Variants in HMGXB3 observed in about 807,000 individuals in gnomAD.
HMGXB3 encodes the protein HMG domain-containing protein 3.
HMGXB3 carries 45 observed loss-of-function variants against 121.5 expected under a neutral mutation model. The observed-to-expected ratio is 0.37, with a 90% CI of 0.29 to 0.47. HMGXB3 has a LOEUF of 0.47. HMGXB3 is among the 20% of genes least tolerant of loss of function. The pLI, the probability that HMGXB3 is intolerant of heterozygous loss-of-function variation, is 0.99. For synonymous variants in HMGXB3, 590 were observed against 624.1 expected, an observed-to-expected ratio of 0.95 and a Z score of 0.81; for missense variants, 1,376 against 1,602.2, an observed-to-expected ratio of 0.86 and a Z score of 2.41.
chr5:150,004,114 C>G (rs1366274809), intron 1 of HMGXB3, among the ~76,000 whole-genome samples: 1 of 151,786 alleles, frequency 6.6e-6, no homozygotes, highest in Non-Finnish European at 1.5e-5. Context: ...CCTCAAGCAA[C>G]CCTCCCATCT....
In HMGXB3 at chr5:150,037,473, A is replaced by G. The variant is rs1756527680; in HGVS notation, c.2359A>G (p.Met787Val). 1.3e-6 allele frequency: 2 copies of G among 1,551,312 alleles called. No individual in the cohort carries two copies. The highest frequency in any genetic ancestry group is 1.7e-6 in the Non-Finnish European group (2 of 1,146,778). ...GCAGACAGTGACTGCCCAGGTGAAG[A>G]TGTGTCTGAACCCCCATTGTCTGGC... ...RLQTVTAQVKMCLNPHCLALH... is the reference protein window; with the variant it reads ...RLQTVTAQVKVCLNPHCLALH... The change falls in exon 13 of 20, where the codon ATG (methionine) becomes GTG (valine). Residue 787 changes from methionine to valine, a missense_variant. By Grantham distance (21) the Met-to-Val change is conservative. Coordinates refer to ENST00000502717, the MANE Select transcript of HMGXB3 (RefSeq NM_014983.3).
intron 7 of HMGXB3, among the ~76,000 whole-genome samples, chr5:150,026,367 T>A (rs1756230589): frequency 6.6e-6 from 1 of 152,222 alleles, no homozygotes; most frequent in Non-Finnish European, 1.5e-5. Flanking sequence ...CATAAGTATA[T>A]GCTCTAACTA....
Position 150,006,512 on chromosome 5 carries a change from A to C in HMGXB3, c.177A>C (p.Lys59Asn). ...TGTACTATTACGACATCTACCTGAA[A>C]GTGCAGCAGGAGCTCCCCCACCTCC... ...YLLYYYDIYL[K>N]VQQELPHLPQ... The change falls in exon 3 of 20, where the codon AAA becomes AAC. Residue 59 changes from lysine (K) to asparagine (N), a missense_variant. Lys to Asn is a moderately conservative substitution (Grantham distance 94). This residue lies in a region of HMGXB3 where 1,116 missense variants were observed against 1,369.0 expected (regional missense o/e 0.82). Coordinates refer to ENST00000502717, the MANE Select transcript of HMGXB3 (RefSeq NM_014983.3). 2.6e-6 allele frequency: 4 copies of C among 1,551,874 alleles called. No homozygotes were observed. Among genetic ancestry groups the C allele is most frequent in the Non-Finnish European group, 3.5e-6 (4 of 1,147,006 alleles).
chr5:150,001,940 G>A (rs1755580615), intron 1 of HMGXB3, among the ~76,000 whole-genome samples: 1 of 152,160 alleles, frequency 6.6e-6, no homozygotes, highest in Non-Finnish European at 1.5e-5. Flanking sequence ...GCAAAAAAGC[G>A]CAGTCCCCAC....
chr5:150,033,832 C>T (rs1298792282), intron 11 of HMGXB3, among the ~76,000 whole-genome samples: 1 of 152,042 alleles, frequency 6.6e-6, no homozygotes, highest in Non-Finnish European at 1.5e-5. Flanking sequence ...ATGAATCTCA[C>T]CCTGGTCTCC....
At position 150,006,486 on chromosome 5, in the gene HMGXB3, C is replaced by T. The variant is rs1190697793; in HGVS notation, c.151C>T (p.Leu51=). 2 of 1,551,528 alleles carry T rather than the reference C, an allele frequency of 1.3e-6. No homozygotes were observed. Among genetic ancestry groups the T allele is most frequent in the Non-Finnish European group, 1.7e-6 (2 of 1,146,952 alleles). ...TTGCTTCCTCAGGTCTGCTTACCTT[C>T]TGTACTATTACGACATCTACCTGAA... ...KTKKPRSAYL[L]YYYDIYLKVQ... is the part of the protein sequence containing the mutation. Residue 51 remains leucine (L), a synonymous_variant, in exon 3 of 20, where the codon CTG becomes TTG. Transcript: ENST00000502717.
chr5:150,041,916 G>T lies in HMGXB3; in HGVS notation c.2677G>T (p.Val893Leu). ...ICGICGVAPK[V>L]EMAQRSEENV... is the part of the protein sequence containing the mutation. ...TGGCATCTGTGGTGTGGCCCCCAAA[G>T]TGGAAATGGCTCAGAGGAGTGAAGA... The change falls in exon 15 of 20, where the codon GTG becomes TTG. Residue 893 changes from valine (V) to leucine (L), a missense_variant. Around this residue, in one of 2 missense-constraint regions of HMGXB3, gnomAD observed 1,116 missense variants for 1,369.0 expected, o/e 0.82. Transcript: ENST00000502717. 6 of 1,551,764 alleles carry T rather than the reference G, an allele frequency of 3.9e-6. No individual in the cohort carries two copies. The highest frequency in any genetic ancestry group is 5.2e-6 in the Non-Finnish European group (6 of 1,146,998).
intron 15 of HMGXB3, among the ~76,000 whole-genome samples, chr5:150,044,268 CCT>C (rs750914588): frequency 5.9e-5 from 9 of 152,038 alleles, no homozygotes; most frequent in Non-Finnish European, 8.8e-5. Flanking sequence ...CTTGTCAGCC[CCT>C]CTCTCGGAGT....
chr5:150,046,127 C>A (rs1324848357), intron 16 of HMGXB3, among the ~76,000 whole-genome samples: 1 of 152,164 alleles, frequency 6.6e-6, no homozygotes, highest in Non-Finnish European at 1.5e-5. Context: ...TTTCTAACAG[C>A]TTGAGTTTGA....
At chr5:150,049,191 G>A (rs1393440460) in intron 18 of HMGXB3, among the ~76,000 whole-genome samples, 3 of 152,216 alleles carry the variant, frequency 2.0e-5, no homozygotes, top group Non-Finnish European at 2.9e-5. Context: ...AGTGAGCTGA[G>A]AGGAGGGGGT....
Position 150,004,921 on chromosome 5 carries a change from C to T in HMGXB3, c.69C>T (p.Tyr23=), listed in dbSNP as rs527324356. Residue 23 remains tyrosine (Y), a synonymous_variant, in exon 2 of 20, where the codon TAC becomes TAT. Coordinates refer to ENST00000502717, the MANE Select transcript of HMGXB3 (RefSeq NM_014983.3). ...AGGAAATTGAGGAAGCCTATTGTTA[C>T]ACCTCTCCTGGGCCACCCAAGAAGA... is the stretch of plus-strand genomic sequence containing the variant. The part of the protein sequence containing the change: ...VMEEIEEAYC[Y]TSPGPPKKKK... 1.2e-5 allele frequency: 19 copies of T among 1,551,802 alleles called. No individual in the cohort carries two copies. In the South Asian group the frequency reaches 1.8e-4, roughly 15 times the overall value.
intron 5 of HMGXB3, chr5:150,015,069 G>T: frequency 2.4e-6 from 1 of 419,612 alleles, no homozygotes; most frequent in Middle Eastern, 3.2e-4. Flanking sequence ...AGTAACAAAA[G>T]CCAAAGGGGG....
intron 6 of HMGXB3, among the ~76,000 whole-genome samples, chr5:150,023,364 G>T (rs1368143859): frequency 6.6e-6 from 1 of 152,044 alleles, no homozygotes; most frequent in Non-Finnish European, 1.5e-5. Context: ...TTTCATAAGG[G>T]GAAATGAGGA....
At chr5:150,032,924 G>A (rs749199849) in intron 11 of HMGXB3, among the ~76,000 whole-genome samples, 6 of 152,162 alleles carry the variant, frequency 3.9e-5, no homozygotes, top group Non-Finnish European at 8.8e-5. Context: ...TACCGCTGAG[G>A]CCTGATACAA....
chr5:150,026,868 CT>C lies in HMGXB3; in HGVS notation c.1627del (p.Ser543ProfsTer2). The C allele has an allele frequency of 1.3e-6, 2 of 1,511,460 alleles. No individual in the cohort carries two copies. Among genetic ancestry groups the C allele is most frequent in the Non-Finnish European group, 1.8e-6 (2 of 1,127,792 alleles). The allele number at this position is 1,511,460 out of a possible 1,614,324, so 93.6% of individuals were successfully genotyped here. Reference sequence around the variant, plus strand: ...TGGGACTGCCCAGGGCCAGGCAGGCCTTTTCCCTGAGTGGTAAGGGCTGGGA... The same window carrying C: ...TGGGACTGCCCAGGGCCAGGCAGGCCTTTCCCTGAGTGGTAAGGGCTGGGA... ...SMGLPRARQA[F>X]SLSDKTPSVR... On this transcript the variant is annotated frameshift_variant, in exon 8 of 20. Coordinates refer to ENST00000502717, the MANE Select transcript of HMGXB3 (RefSeq NM_014983.3). LOFTEE classifies it high-confidence loss of function.
chr5:150,044,815 C>T (rs1423636465), intron 15 of HMGXB3, among the ~76,000 whole-genome samples: 1 of 152,124 alleles, frequency 6.6e-6, no homozygotes, highest in African/African-American at 2.4e-5. Flanking sequence ...TTTTGAGAGC[C>T]ATATAAGAGG....
intron 3 of HMGXB3, 77 bp from the exon 4 acceptor site, chr5:150,010,034 T>C: frequency 7.1e-7 from 1 of 1,399,166 alleles, no homozygotes; most frequent in South Asian, 1.5e-5. Flanking sequence ...CACATATATA[T>C]ATATCTTTCT....
In HMGXB3 at chr5:150,052,418, CGA is replaced by C. The variant is rs953375571; in HGVS notation, c.*232_*233del. On this transcript the variant is annotated 3_prime_UTR_variant, in exon 20 of 20. Coordinates refer to ENST00000502717, the MANE Select transcript of HMGXB3 (RefSeq NM_014983.3). Reference sequence around the variant, plus strand: ...GGTACCAGGAAACCTCTTCTGGCCCCGAGAGAGCACTTGGGGGACACGGTATG... The same window carrying C: ...GGTACCAGGAAACCTCTTCTGGCCCCGAGAGCACTTGGGGGACACGGTATG... 9.2e-6 allele frequency: 5 copies of C among 542,620 alleles called. No homozygotes were observed. The highest frequency in any genetic ancestry group is 1.9e-5 in the African/African-American group (1 of 53,122). The allele number at this position is 542,620 out of a possible 1,614,324, so 33.6% of individuals were successfully genotyped here.
At chr5:150,032,867 G>A (rs1261455778) in intron 11 of HMGXB3, among the ~76,000 whole-genome samples, 2 of 152,138 alleles carry the variant, frequency 1.3e-5, no homozygotes, top group Non-Finnish European at 1.5e-5. Context: ...TGTAGCACAG[G>A]CCTTAAGTAG....
Sources: allele counts gnomAD v4.1 joint callset (sites outside exome capture counted in the v4.1 genomes callset), GRCh38; gene constraint gnomAD v4.1.1; regional missense constraint gnomAD v4.1.1; transcripts MANE v1.5; gene names NCBI Gene and HGNC (gene_info 2026-07-23, HGNC 2026-07-21).